CNTNAP5: variants seen among roughly 807,000 people sequenced by gnomAD.
The protein encoded by CNTNAP5 is contactin-associated protein-like 5.
CNTNAP5 carries 72 observed loss-of-function variants against 150.2 expected under a neutral mutation model. That is an observed-to-expected ratio of 0.48 (90% CI 0.40 to 0.58). The LOEUF (loss-of-function observed/expected upper bound fraction) is 0.58. CNTNAP5 is among the 20% of genes least tolerant of loss of function. The pLI, the probability that CNTNAP5 is intolerant of heterozygous loss-of-function variation, is 0.00. For synonymous variants in CNTNAP5, 672 were observed against 619.8 expected (o/e 1.08, Z -1.25); for missense variants, 1,636 against 1,626.2 (o/e 1.01, Z -0.10).
chr2:124,101,633 T>C (rs1683065488), intron 1 of CNTNAP5, among the ~76,000 whole-genome samples: 1 of 152,202 alleles, frequency 6.6e-6, no homozygotes, highest in Non-Finnish European at 1.5e-5. Context: ...CAGATAAGGC[T>C]TTTTCCCTGC....
intron 9 of CNTNAP5, 87 bp downstream of exon 9, chr2:124,524,539 G>T: frequency 2.3e-6 from 3 of 1,302,246 alleles, no homozygotes; most frequent in Non-Finnish European, 3.2e-6. Context: ...TTCTGGTTTG[G>T]TCAATTAGAC....
intron 13 of CNTNAP5, among the ~76,000 whole-genome samples, chr2:124,705,827 T>A (rs1346954408): frequency 6.6e-6 from 1 of 152,074 alleles, no homozygotes; most frequent in Non-Finnish European, 1.5e-5. Flanking sequence ...AGACACTGAA[T>A]GGTCTTGAAA....
intron 19 of CNTNAP5, among the ~76,000 whole-genome samples, chr2:124,803,576 C>A (rs116717982): frequency 6.6e-6 from 1 of 152,100 alleles, no homozygotes; most frequent in Non-Finnish European, 1.5e-5. Context: ...TGTGCAGCTG[C>A]CCTCCAGCAC....
intron 19 of CNTNAP5, among the ~76,000 whole-genome samples, chr2:124,839,039 T>G (rs1682888308): frequency 6.6e-6 from 1 of 151,876 alleles, no homozygotes; most frequent in South Asian, 2.1e-4. Context: ...GTGACAAAAT[T>G]TAGGGTACTA....
chr2:124,182,222 T>C (rs1290654813), intron 1 of CNTNAP5, among the ~76,000 whole-genome samples: 1 of 152,190 alleles, frequency 6.6e-6, no homozygotes, highest in Non-Finnish European at 1.5e-5. Flanking sequence ...CCGTTCCTTA[T>C]TTATCCTTCA....
In CNTNAP5 at chr2:124,772,926, C is replaced by T. The variant is rs372557900; in HGVS notation, c.2661C>T (p.Thr887=). ...GGGCTGAGAGGAACCTCAAGGAGAC[C>T]TCCCTGCAGGTGGACAACCTTCCAA... ...YVRAERNLKE[T]SLQVDNLPRS... is the part of the protein sequence containing the mutation. The change falls in exon 17 of 24, where the codon ACC becomes ACT. Residue 887 remains threonine, a synonymous_variant. Coordinates refer to ENST00000682447, the MANE Select transcript of CNTNAP5 (RefSeq NM_001367498.1). 2.5e-6 allele frequency: 4 copies of T among 1,613,728 alleles called. No individual in the cohort carries two copies. Among genetic ancestry groups the T allele is most frequent in the Non-Finnish European group, 2.5e-6 (3 of 1,179,732 alleles).
chr2:124,832,521 C>T (rs932852880), intron 19 of CNTNAP5, among the ~76,000 whole-genome samples: 1 of 152,044 alleles, frequency 6.6e-6, no homozygotes, highest in African/African-American at 2.4e-5. Context: ...CATGACTAAA[C>T]TTTATTTGAC....
intron 14 of CNTNAP5, among the ~76,000 whole-genome samples, chr2:124,763,144 C>A (rs1401929291): frequency 6.6e-6 from 1 of 152,014 alleles, no homozygotes; most frequent in Admixed American, 6.6e-5. Flanking sequence ...CTACCGAGAT[C>A]TTTAAGAACA....
intron 5 of CNTNAP5, among the ~76,000 whole-genome samples, chr2:124,435,012 A>G (rs937004803): frequency 6.6e-6 from 1 of 152,188 alleles, no homozygotes; most frequent in Non-Finnish European, 1.5e-5. Flanking sequence ...GCTTGCTCAG[A>G]ATCTATGCTA....
chr2:124,035,304 A>T (rs896674406), intron 1 of CNTNAP5, among the ~76,000 whole-genome samples: 1 of 151,484 alleles, frequency 6.6e-6, no homozygotes, highest in Non-Finnish European at 1.5e-5. Context: ...TTTATTTTCA[A>T]TATTCTTCCC....
chr2:124,180,438 C>T (rs1165440911), intron 1 of CNTNAP5, among the ~76,000 whole-genome samples: 1 of 152,098 alleles, frequency 6.6e-6, no homozygotes, highest in Non-Finnish European at 1.5e-5. Flanking sequence ...TCCAACAGTA[C>T]ATTCAATACA....
chr2:124,814,537 T>C (rs1682308337), intron 19 of CNTNAP5, among the ~76,000 whole-genome samples: 1 of 142,222 alleles, frequency 7.0e-6, no homozygotes, highest in Non-Finnish European at 1.6e-5. Flanking sequence ...ACAACTTTTC[T>C]TAGTGAAATT....
chr2:124,714,880 A>G (rs1254933496), intron 13 of CNTNAP5, among the ~76,000 whole-genome samples: 1 of 152,138 alleles, frequency 6.6e-6, no homozygotes, highest in Non-Finnish European at 1.5e-5. Flanking sequence ...ATCAAGACAG[A>G]TTTGCAAAGT....
intron 11 of CNTNAP5, among the ~76,000 whole-genome samples, chr2:124,585,733 T>TCTG (rs1175079998): frequency 1.3e-5 from 2 of 150,714 alleles, no homozygotes; most frequent in African/African-American, 4.9e-5. Flanking sequence ...GGTATTGGTT[T>TCTG]CTGAGCCCCA....
intron 11 of CNTNAP5, among the ~76,000 whole-genome samples, chr2:124,593,473 T>G (rs1484316284): frequency 1.0e-5 from 1 of 95,638 alleles, no homozygotes; most frequent in South Asian, 4.3e-4. Flanking sequence ...ACTCATCATT[T>G]TTTATGGCTG....
At chr2:124,770,944 C>T (rs1389728981) in intron 16 of CNTNAP5, among the ~76,000 whole-genome samples, 3 of 152,162 alleles carry the variant, frequency 2.0e-5, no homozygotes, top group African/African-American at 7.2e-5. Context: ...ATTGAAAACT[C>T]GCCTTAGATC....
chr2:124,711,530 A>G (rs763367272), intron 13 of CNTNAP5, among the ~76,000 whole-genome samples: 33 of 152,178 alleles, frequency 2.2e-4, no homozygotes, highest in Non-Finnish European at 3.5e-4. Flanking sequence ...AAGTAACAGC[A>G]AACAGGCAAC....
In CNTNAP5 at chr2:124,147,255, C is replaced by T. The variant is rs529358554; in HGVS notation, c.83-74450C>T. 4.9e-4 allele frequency among the ~76,000 whole-genome samples: 74 copies of T among 152,228 alleles called. 1 individual carries two copies. Among genetic ancestry groups the T allele is most frequent in the Middle Eastern group, 6.8e-3 (2 of 294 alleles). ...TAATACTTTGGGCAAGGTTTGTTTT[C>T]AGTTTTTTTTCAAAATTCAGAGAAG... On this transcript the variant is annotated intron_variant, in intron 1 of 23. Transcript: ENST00000682447.
At chr2:124,881,948 A>G (rs1359514902) in intron 21 of CNTNAP5, among the ~76,000 whole-genome samples, 1 of 151,686 alleles carries the variant, frequency 6.6e-6, no homozygotes, top group East Asian at 1.9e-4. Context: ...AAATGCTTGC[A>G]CTCCTATTCC....
Sources: gnomAD v4.1 joint callset for allele counts (sites outside exome capture counted in the v4.1 genomes callset) on GRCh38, gnomAD v4.1.1 for gene constraint, MANE v1.5 for transcripts, NCBI Gene and HGNC (gene_info 2026-07-23, HGNC 2026-07-21) for gene names.